ECRG4: variants seen among roughly 807,000 people sequenced by gnomAD.
The protein encoded by ECRG4 is ECRG4 augurin precursor.
A neutral mutation model predicts 15.8 loss-of-function variants in ECRG4; 18 were observed. That is an observed-to-expected ratio of 1.14 (90% CI 0.79 to 1.69). ECRG4 has a LOEUF of 1.69. Ranked by LOEUF, ECRG4 falls within the 40% of genes most tolerant of loss-of-function variation. The pLI is 0.00. For synonymous variants in ECRG4, 82 were observed against 73.9 expected (o/e 1.11, Z -0.56); for missense variants, 200 against 190.9 (o/e 1.05, Z -0.28).
intron 3 of ECRG4, 81 bp from the exon 4 acceptor site, chr2:106,077,683 GA>G: frequency 7.7e-7 from 1 of 1,295,064 alleles, no homozygotes; most frequent in Non-Finnish European, 1.1e-6. Context: ...CCACCATGAA[GA>G]AAAGCCATAG....
Position 106,077,944 on chromosome 2 carries a change from C to G in ECRG4, c.*18C>G. 1 of 1,611,210 alleles carries G rather than the reference C, an allele frequency of 6.2e-7. No homozygotes were observed. Among genetic ancestry groups the G allele is most frequent in the Non-Finnish European group, 8.5e-7 (1 of 1,178,672 alleles). On this transcript the variant is annotated 3_prime_UTR_variant, in exon 4 of 4. Transcript: ENST00000238044. ...ACTACTAACCATGACTTGCCACACG[C>G]TGTACAAGAAGCAAATAGCGATTCT... is the stretch of plus-strand genomic sequence containing the variant.
At chr2:106,064,299 C>A (rs1287945542), upstream of ECRG4, 4 of 152,204 alleles carry the variant, frequency 2.6e-5, no homozygotes, top group Admixed American at 2.6e-4. Flanking sequence ...TAGAAGACTT[C>A]TTTCTCCTTC....
chr2:106,066,440 C>T (rs1284042902), intron 1 of ECRG4, among the ~76,000 whole-genome samples: 5 of 152,244 alleles, frequency 3.3e-5, no homozygotes. Flanking sequence ...AACGTGCATT[C>T]ACACGCACAC....
At chr2:106,065,586 G>A (rs1233678953), upstream of ECRG4, 7 of 427,660 alleles carry the variant, frequency 1.6e-5, no homozygotes, top group Middle Eastern at 6.2e-4. Context: ...CGTGCGCTGG[G>A]CGCAGCCGCT....
At chr2:106,076,326 A>G (rs1676486212) in intron 3 of ECRG4, among the ~76,000 whole-genome samples, 1 of 152,188 alleles carries the variant, frequency 6.6e-6, no homozygotes, top group Non-Finnish European at 1.5e-5. Context: ...CTCTTAAAAA[A>G]TAAATAAATG....
At chr2:106,077,074 G>C (rs913919607) in intron 3 of ECRG4, among the ~76,000 whole-genome samples, 1 of 152,110 alleles carries the variant, frequency 6.6e-6, no homozygotes, top group Non-Finnish European at 1.5e-5. Flanking sequence ...TTTATTATCT[G>C]CAACTGTCTC....
intron 1 of ECRG4, chr2:106,070,779 T>G (rs896603920): frequency 6.1e-6 from 2 of 326,820 alleles, no homozygotes; most frequent in African/African-American, 2.2e-5. Flanking sequence ...CAATTTTACA[T>G]GCCTTTCTAG....
intron 3 of ECRG4, among the ~76,000 whole-genome samples, chr2:106,074,531 A>C (rs529910432): frequency 1.3e-5 from 2 of 152,334 alleles, no homozygotes; most frequent in Non-Finnish European, 2.9e-5. Flanking sequence ...TTGTCAATGC[A>C]CTTATAGGAA....
At chr2:106,068,619 A>G (rs866866552) in intron 1 of ECRG4, among the ~76,000 whole-genome samples, 4 of 152,334 alleles carry the variant, frequency 2.6e-5, no homozygotes, top group Middle Eastern at 3.4e-3. Context: ...GTCTATTTCA[A>G]CATCAGACCA....
At position 106,074,743 on chromosome 2, in the gene ECRG4, G is replaced by A. The variant is rs1293080298; in HGVS notation, c.285+700G>A. 3.3e-5 allele frequency among the ~76,000 whole-genome samples: 5 copies of A among 152,242 alleles called. No homozygotes were observed. The East Asian group carries it at 9.6e-4, about 29-fold the overall frequency. ...GAGCTCCCTGTGTGAGACGTAAAGG[G>A]AGGACCTGTGGCCTGTGCTGCCCCA... On this transcript the variant is annotated intron_variant, in intron 3 of 3. Coordinates refer to ENST00000238044, the MANE Select transcript of ECRG4 (RefSeq NM_032411.3).
chr2:106,076,142 C>T (rs1676481773), intron 3 of ECRG4, among the ~76,000 whole-genome samples: 1 of 152,014 alleles, frequency 6.6e-6, no homozygotes, highest in Admixed American at 6.5e-5. Context: ...ATGGCAAAAC[C>T]CTGTCTCTAC....
intron 2 of ECRG4, among the ~76,000 whole-genome samples, chr2:106,073,319 A>G (rs560567020): frequency 5.9e-5 from 9 of 152,210 alleles, no homozygotes; most frequent in Non-Finnish European, 1.0e-4. Flanking sequence ...TGTGAGGCGC[A>G]GAGAGGCACT....
chr2:106,070,870 T>C, intron 1 of ECRG4: 1 of 470,202 alleles, frequency 2.1e-6, no homozygotes, highest in Admixed American at 2.4e-5. Context: ...TCCTGGGGCC[T>C]GACTCCAGTT....
intron 1 of ECRG4, among the ~76,000 whole-genome samples, chr2:106,068,995 T>C (rs906166575): frequency 2.0e-5 from 3 of 152,244 alleles, no homozygotes; most frequent in Non-Finnish European, 2.9e-5. Flanking sequence ...CTTGGGTGGC[T>C]GTCTATCTGG....
chr2:106,074,598 A>G (rs1676446370), intron 3 of ECRG4, among the ~76,000 whole-genome samples: 1 of 152,244 alleles, frequency 6.6e-6, no homozygotes, highest in Admixed American at 6.5e-5. Flanking sequence ...TCATTGAATG[A>G]AAGACAAAGA....
chr2:106,078,045 TTGTG>T lies in ECRG4; in HGVS notation c.*122_*125del, dbSNP rs1406174900. 35 of 931,714 alleles carry T rather than the reference TTGTG, an allele frequency of 3.8e-5. 1 individual carries two copies. The East Asian group carries it at 9.9e-4, about 26-fold the overall frequency. 57.7% of individuals were successfully genotyped at this position (931,714 alleles called of 1,614,324 possible). On this transcript the variant is annotated 3_prime_UTR_variant, in exon 4 of 4. Coordinates refer to ENST00000238044, the MANE Select transcript of ECRG4 (RefSeq NM_032411.3). The stretch of plus-strand genomic sequence containing the variant: ...TTTCAGCAGATCTTTTCTACCTACT[TTGTG>T]TGATCAAAAAAGAAGAGTTAAAACA...
chr2:106,074,918 G>T (rs10191004), intron 3 of ECRG4, among the ~76,000 whole-genome samples: 148,607 of 152,374 alleles, frequency 0.98, 72,560 homozygotes, highest in South Asian at 1. Context: ...CATATCATTT[G>T]TAATGGCTAC....
chr2:106,074,324 C>T (rs1051965356), intron 3 of ECRG4: 10 of 346,184 alleles, frequency 2.9e-5, no homozygotes, highest in East Asian at 2.8e-4. Context: ...CTGACTTTCT[C>T]GGGAACCCTT....
At chr2:106,070,199 C>T (rs1676331897) in intron 1 of ECRG4, among the ~76,000 whole-genome samples, 1 of 152,210 alleles carries the variant, frequency 6.6e-6, no homozygotes, top group South Asian at 2.1e-4. Flanking sequence ...CATTAATTTA[C>T]AAGGACAAGA....
Sources: allele counts gnomAD v4.1 joint callset (sites outside exome capture counted in the v4.1 genomes callset), GRCh38; gene constraint gnomAD v4.1.1; transcripts MANE v1.5; gene names NCBI Gene and HGNC (gene_info 2026-07-23, HGNC 2026-07-21).